The following UBASH3B variants were observed in gnomAD, a reference collection of about 807,000 sequenced individuals.
UBASH3B encodes ubiquitin associated and SH3 domain containing B, also known as ubiquitin-associated and SH3 domain-containing protein B.
A neutral mutation model predicts 83.4 loss-of-function variants in UBASH3B; 37 were observed. The ratio of observed to expected loss-of-function variants is 0.44; its 90% CI spans 0.34 to 0.58. The LOEUF (loss-of-function observed/expected upper bound fraction) is 0.58. UBASH3B is among the 20% of genes least tolerant of loss of function. The pLI is 0.01. For missense variants in UBASH3B, 657 were observed against 827.2 expected (o/e 0.79, Z 2.52); for synonymous variants, 304 against 318.3 (o/e 0.96, Z 0.48).
At chr11:122,726,522 G>C (rs1165571407) in intron 1 of UBASH3B, among the ~76,000 whole-genome samples, 2 of 151,818 alleles carry the variant, frequency 1.3e-5, no homozygotes, top group African/African-American at 2.4e-5. Flanking sequence ...GCTAATTTTT[G>C]TATTTTTAGT....
intron 1 of UBASH3B, among the ~76,000 whole-genome samples, chr11:122,744,881 G>GTGTGTGTGTGTGACTC: frequency 7.4e-6 from 1 of 134,398 alleles, no homozygotes; most frequent in South Asian, 2.6e-4. Context: ...CTCTGTGTGT[G>GTGTGTGTGTGTGACTC]TGTGTGTGTG....
intron 4 of UBASH3B, 92 bp from the exon 5 acceptor site, chr11:122,782,961 T>C: frequency 1.4e-6 from 2 of 1,450,580 alleles, no homozygotes; most frequent in Non-Finnish European, 1.9e-6. Flanking sequence ...AAGCAGAATT[T>C]CTCAGGGTAC....
intron 1 of UBASH3B, among the ~76,000 whole-genome samples, chr11:122,713,619 T>C (rs1204690503): frequency 1.3e-5 from 2 of 152,048 alleles, no homozygotes; most frequent in East Asian, 1.9e-4. Context: ...AAATTCTTGG[T>C]AAGAGTTTTT....
At chr11:122,776,557 T>C (rs562157012) in intron 2 of UBASH3B, among the ~76,000 whole-genome samples, 2 of 152,342 alleles carry the variant, frequency 1.3e-5, no homozygotes, top group South Asian at 4.1e-4. Context: ...TTTAGGGGTA[T>C]GGATATTGAG....
intron 7 of UBASH3B, among the ~76,000 whole-genome samples, chr11:122,795,045 A>G (rs1861131041): frequency 6.6e-6 from 1 of 152,220 alleles, no homozygotes; most frequent in Admixed American, 6.5e-5. Flanking sequence ...ATTTGAACCT[A>G]GGTTCATAAG....
intron 1 of UBASH3B, among the ~76,000 whole-genome samples, chr11:122,663,271 C>CCAGCTGCAGTT (rs1863470192): frequency 6.6e-6 from 1 of 152,242 alleles, no homozygotes. Context: ...GCCACCGCGC[C>CCAGCTGCAGTT]TGGCCTTACG....
chr11:122,806,096 G>A lies in UBASH3B; in HGVS notation c.1596-314G>A, dbSNP rs749269327. Among the ~76,000 whole-genome samples, 9 of 152,182 alleles carry A rather than the reference G, an allele frequency of 5.9e-5. No individual in the cohort carries two copies. The highest frequency in any genetic ancestry group is 1.9e-4 in the East Asian group (1 of 5,200). On this transcript the variant is annotated intron_variant, in intron 11 of 13. Transcript: ENST00000284273. The surrounding 1 kb of genome is among the most constrained non-coding windows in gnomAD (Gnocchi z 4.0). ...GAGGGTTCCATCTCTGCTTTGTTTT[G>A]TATTAGCTATGTGACTAGGACCATC...
At chr11:122,665,296 G>A (rs1863501667) in intron 1 of UBASH3B, among the ~76,000 whole-genome samples, 1 of 152,172 alleles carries the variant, frequency 6.6e-6, no homozygotes, top group Non-Finnish European at 1.5e-5. Context: ...TCCTGCCTCA[G>A]CCTTCTGAAC....
chr11:122,664,961 T>TGCGGTG (rs1863495741), intron 1 of UBASH3B, among the ~76,000 whole-genome samples: 1 of 152,166 alleles, frequency 6.6e-6, no homozygotes, highest in Non-Finnish European at 1.5e-5. Context: ...CAGGCTGGAG[T>TGCGGTG]GCGGTGGCGC....
intron 11 of UBASH3B, among the ~76,000 whole-genome samples, chr11:122,804,340 C>T (rs1441516070): frequency 6.6e-6 from 1 of 152,046 alleles, no homozygotes; most frequent in Non-Finnish European, 1.5e-5. Flanking sequence ...AGGCTGTTTC[C>T]TAGGAGAAAC....
At chr11:122,716,553 A>G (rs2135940463) in intron 1 of UBASH3B, among the ~76,000 whole-genome samples, 1 of 152,112 alleles carries the variant, frequency 6.6e-6, no homozygotes, top group African/African-American at 2.4e-5. Context: ...GGCCTCTTGC[A>G]TGGGGAATCG....
At chr11:122,792,889 CCTGGTGATT>C (rs545758654) in intron 6 of UBASH3B, among the ~76,000 whole-genome samples, 72 of 152,006 alleles carry the variant, frequency 4.7e-4, no homozygotes, top group African/African-American at 1.6e-3. Context: ...TTTTAAGTCT[CCTGGTGATT>C]CTGATATGCA....
In UBASH3B at chr11:122,759,878, A is replaced by G. The variant is rs1001236353; in HGVS notation, c.162-16341A>G. Among the ~76,000 whole-genome samples the G allele has an allele frequency of 6.6e-6, 1 of 152,258 alleles. No homozygotes were observed. Among genetic ancestry groups the G allele is most frequent in the Non-Finnish European group, 1.5e-5 (1 of 68,042 alleles). ...GACTTAGATGTGTCTTATGTGTGTCATAATGGAATAGCACAAGTGATTCCA... is the reference window on the plus strand; with the variant it reads ...GACTTAGATGTGTCTTATGTGTGTCGTAATGGAATAGCACAAGTGATTCCA... On this transcript the variant is annotated intron_variant, in intron 1 of 13. Coordinates refer to ENST00000284273, the MANE Select transcript of UBASH3B (RefSeq NM_032873.5). This position sits in a 1 kb window ranked among gnomAD's most constrained non-coding sequence, Gnocchi z 4.1.
At chr11:122,700,895 T>C in intron 1 of UBASH3B, among the ~76,000 whole-genome samples, 1 of 152,210 alleles carries the variant, frequency 6.6e-6, no homozygotes, top group East Asian at 1.9e-4. Context: ...AACAGTAAAC[T>C]GTCCCAGACA....
chr11:122,679,404 G>T (rs1239802314), intron 1 of UBASH3B, among the ~76,000 whole-genome samples: 1 of 152,230 alleles, frequency 6.6e-6, no homozygotes, highest in African/African-American at 2.4e-5. Flanking sequence ...AACCAGATTT[G>T]TCTGAGAGAG....
intron 1 of UBASH3B, among the ~76,000 whole-genome samples, chr11:122,669,669 C>T (rs1863565873): frequency 6.6e-6 from 1 of 152,188 alleles, no homozygotes; most frequent in Non-Finnish European, 1.5e-5. Flanking sequence ...GTAGTCATAG[C>T]TAACCTTCAC....
intron 1 of UBASH3B, among the ~76,000 whole-genome samples, chr11:122,715,032 G>A (rs1188447450): frequency 4.6e-5 from 7 of 151,968 alleles, no homozygotes; most frequent in Non-Finnish European, 8.8e-5. Flanking sequence ...TGCAAGCTCC[G>A]CCTCCCGGGT....
At chr11:122,782,895 C>G (rs535962077) in intron 4 of UBASH3B, 158 bp from the exon 5 acceptor site, 2 of 840,638 alleles carry the variant, frequency 2.4e-6, no homozygotes, top group East Asian at 2.5e-5. Flanking sequence ...CCCCTTACCC[C>G]CTTATTCTAC....
chr11:122,688,484 T>C lies in UBASH3B; in HGVS notation c.161+32274T>C, dbSNP rs12222557. ...TTTTTGAGACGGAGTCTGGCTCTGTTGCCCAGGCTGGAGAGCAGTAGTGCA... is the reference window on the plus strand; with the variant it reads ...TTTTTGAGACGGAGTCTGGCTCTGTCGCCCAGGCTGGAGAGCAGTAGTGCA... On this transcript the variant is annotated intron_variant, in intron 1 of 13. Coordinates refer to ENST00000284273, the MANE Select transcript of UBASH3B (RefSeq NM_032873.5). Among the ~76,000 whole-genome samples, 1,000 of 150,324 alleles carry C rather than the reference T, an allele frequency of 6.7e-3. 30 individuals carry two copies. The East Asian group carries it at 0.1, about 15-fold the overall frequency.
Sources: allele counts gnomAD v4.1 joint callset (sites outside exome capture counted in the v4.1 genomes callset), GRCh38; gene constraint gnomAD v4.1.1; non-coding constraint Gnocchi (gnomAD v3.1); transcripts MANE v1.5; gene names NCBI Gene and HGNC (gene_info 2026-07-23, HGNC 2026-07-21).